Variants in CCDC152 observed in about 807,000 individuals in gnomAD.
The protein encoded by CCDC152 is coiled-coil domain containing 152.
A neutral mutation model predicts 38.1 loss-of-function variants in CCDC152; 37 were observed. The ratio of observed to expected loss-of-function variants is 0.97; its 90% confidence interval spans 0.75 to 1.28. The LOEUF (loss-of-function observed/expected upper bound fraction) is 1.28. Ranked by LOEUF, CCDC152 falls within the 50% of genes most tolerant of loss-of-function variation. CCDC152 has a pLI of 0.00. For missense variants in CCDC152, 259 were observed against 292.1 expected (o/e 0.89, Z 0.83); for synonymous variants, 83 against 87.1 (o/e 0.95, Z 0.26).
Position 42,777,391 on chromosome 5 carries a change from G to A in CCDC152, c.263-2067G>A, listed in dbSNP as rs140982966. Among the ~76,000 whole-genome samples, 1,386 of 152,108 alleles carry A rather than the reference G, an allele frequency of 9.1e-3. 21 individuals carry two copies. Among genetic ancestry groups the A allele is most frequent in the African/African-American group, 0.032 (1,322 of 41,492 alleles). ...GCAGGAAAATAGCTTGAACCCAGGA[G>A]GGGGAGGTTGCAGGGAGCTAAGATC... is the stretch of plus-strand genomic sequence containing the variant. On this transcript the variant is annotated intron_variant, in intron 4 of 8. Coordinates refer to ENST00000361970, the MANE Select transcript of CCDC152 (RefSeq NM_001134848.2).
intron 7 of CCDC152, 100 bp from the exon 8 acceptor site, chr5:42,799,275 T>A: frequency 1.6e-6 from 1 of 614,072 alleles, no homozygotes. Context: ...TACACCTGAA[T>A]TACAGATTAC....
chr5:42,786,143 GC>G (rs751251035), intron 6 of CCDC152, among the ~76,000 whole-genome samples: 6 of 151,888 alleles, frequency 4.0e-5, no homozygotes, highest in Non-Finnish European at 7.4e-5. Flanking sequence ...AGTTAGAGAG[GC>G]CTCCCTCCTC....
intron 3 of CCDC152, among the ~76,000 whole-genome samples, chr5:42,766,105 A>G (rs1226587843): frequency 6.6e-6 from 1 of 152,222 alleles, no homozygotes; most frequent in Non-Finnish European, 1.5e-5. Flanking sequence ...TGGGCAAAAG[A>G]TTTGAATAGA....
At chr5:42,794,787 T>G (rs1269274505) in intron 6 of CCDC152, among the ~76,000 whole-genome samples, 1 of 152,208 alleles carries the variant, frequency 6.6e-6, no homozygotes, top group Non-Finnish European at 1.5e-5. Context: ...GGAGTTAAAA[T>G]GTTTTTAAGG....
chr5:42,772,289 T>G (rs566439411), intron 4 of CCDC152, among the ~76,000 whole-genome samples: 4 of 152,226 alleles, frequency 2.6e-5, no homozygotes, highest in Admixed American at 6.5e-5. Context: ...TGGAAGGATC[T>G]TGCCTTAACA....
intron 1 of CCDC152, 39 bp from the exon 2 acceptor site, chr5:42,759,077 CTTAT>C (rs1450206696): frequency 4.5e-6 from 6 of 1,326,258 alleles, no homozygotes; most frequent in East Asian, 2.5e-5. Flanking sequence ...TGCTTTAGAT[CTTAT>C]TTATTTATTT....
intron 6 of CCDC152, among the ~76,000 whole-genome samples, chr5:42,795,883 A>G (rs1300253923): frequency 1.3e-5 from 2 of 151,836 alleles, no homozygotes; most frequent in Non-Finnish European, 2.9e-5. Context: ...AATGTGGCAC[A>G]TATACACCAT....
chr5:42,771,842 G>C (rs1009452495), intron 4 of CCDC152, among the ~76,000 whole-genome samples: 1 of 152,070 alleles, frequency 6.6e-6, no homozygotes, highest in African/African-American at 2.4e-5. Flanking sequence ...CAAAGAAAAA[G>C]TAATACCGCT....
At chr5:42,782,434 G>A (rs374813826) in intron 5 of CCDC152, among the ~76,000 whole-genome samples, 20 of 152,244 alleles carry the variant, frequency 1.3e-4, no homozygotes, top group African/African-American at 4.6e-4. Flanking sequence ...CATTGTTTCT[G>A]TAATATCTTT....
chr5:42,774,759 A>G (rs1759749776), intron 4 of CCDC152, among the ~76,000 whole-genome samples: 1 of 152,048 alleles, frequency 6.6e-6, no homozygotes, highest in African/African-American at 2.4e-5. Context: ...ACACTAAAAG[A>G]AAAAAAATAG....
chr5:42,758,065 T>C (rs1759504463), intron 1 of CCDC152, among the ~76,000 whole-genome samples: 1 of 152,244 alleles, frequency 6.6e-6, no homozygotes, highest in Admixed American at 6.5e-5. Context: ...GTTTTAACTA[T>C]TTAAGGGATT....
At chr5:42,794,032 A>C (rs1760040102) in intron 6 of CCDC152, among the ~76,000 whole-genome samples, 1 of 152,264 alleles carries the variant, frequency 6.6e-6, no homozygotes, top group Non-Finnish European at 1.5e-5. Flanking sequence ...CCAATTAGAT[A>C]CACTGGAGAT....
chr5:42,801,466 G>A lies in CCDC152; in HGVS notation c.*1685G>A, dbSNP rs1760201391. ...CGAGCTGGCTTTGTATTATATTAAT[G>A]AGAAAGAGTCTGATGTTAGTCTCAA... On this transcript the variant is annotated 3_prime_UTR_variant, in exon 9 of 9. Transcript: ENST00000361970. The A allele has an allele frequency of 1.5e-6, 1 of 655,892 alleles. No homozygotes were observed. The highest frequency in any genetic ancestry group is 2.2e-5 in the South Asian group (1 of 45,510). 40.6% of individuals were successfully genotyped at this position (655,892 alleles called of 1,614,324 possible). A position where few individuals can be genotyped will look rare whatever the true frequency, so the allele number is the denominator to read the frequency against.
At chr5:42,781,087 G>A (rs1028666064) in intron 5 of CCDC152, among the ~76,000 whole-genome samples, 1 of 152,182 alleles carries the variant, frequency 6.6e-6, no homozygotes, top group African/African-American at 2.4e-5. Context: ...TTAACTGGCA[G>A]CATTCCACTT....
At chr5:42,794,879 G>A (rs1301700169) in intron 6 of CCDC152, among the ~76,000 whole-genome samples, 4 of 151,826 alleles carry the variant, frequency 2.6e-5, no homozygotes, top group African/African-American at 9.7e-5. Flanking sequence ...TAAACTCTAA[G>A]ATAACCACTA....
chr5:42,796,015 T>C (rs1393229865), intron 6 of CCDC152, among the ~76,000 whole-genome samples: 1 of 150,302 alleles, frequency 6.7e-6, no homozygotes, highest in African/African-American at 2.5e-5. Context: ...CCACATGTTC[T>C]CACTCATAGG....
chr5:42,792,116 C>T (rs1428482976), intron 6 of CCDC152, among the ~76,000 whole-genome samples: 1 of 152,090 alleles, frequency 6.6e-6, no homozygotes, highest in Non-Finnish European at 1.5e-5. Flanking sequence ...ATCTTTAGAG[C>T]TAGCATCCTC....
At position 42,759,195 on chromosome 5, in the gene CCDC152, C is replaced by G. The variant is rs1408572511; in HGVS notation, c.74C>G (p.Ser25Ter). Residue 25 changes from serine to a stop codon, truncating the protein, a stop_gained, in exon 2 of 9, where the codon TCA becomes TGA. Transcript: ENST00000361970. LOFTEE classifies it high-confidence loss of function. ...CTTGACAAACTTATAAATGACTTCT[C>G]ACAGATAGAAAAGGTATGTAAAGAT... is the stretch of plus-strand genomic sequence containing the variant. ...VNLDKLINDF[S>*]QIEKKMVETN... is the part of the protein sequence containing the mutation. 6.5e-7 allele frequency: 1 copy of G among 1,544,614 alleles called. No homozygotes were observed. The highest frequency in any genetic ancestry group is 8.8e-7 in the Non-Finnish European group (1 of 1,141,278).
chr5:42,799,826 G>GA lies in CCDC152; in HGVS notation c.*48dup. On this transcript the variant is annotated 3_prime_UTR_variant, in exon 9 of 9. Coordinates refer to ENST00000361970, the MANE Select transcript of CCDC152 (RefSeq NM_001134848.2). ...AGTTGGTATTTATTTAAAAGCAATC[G>GA]AAAGTTTCACTTCTGTTTTCAATAT... is the stretch of plus-strand genomic sequence containing the variant. The GA allele has an allele frequency of 6.5e-7, 1 of 1,541,426 alleles. No individual in the cohort carries two copies. Among genetic ancestry groups the GA allele is most frequent in the Non-Finnish European group, 8.7e-7 (1 of 1,143,182 alleles).
Sources: allele counts gnomAD v4.1 joint callset (sites outside exome capture counted in the v4.1 genomes callset), GRCh38; gene constraint gnomAD v4.1.1; transcripts MANE v1.5; gene names NCBI Gene and HGNC (gene_info 2026-07-23, HGNC 2026-07-21).